BACH2: variants seen among roughly 807,000 people sequenced by gnomAD.
BACH2 encodes transcription regulator protein BACH2.
A neutral mutation model predicts 61.8 loss-of-function variants in BACH2; 5 were observed. That is an observed-to-expected ratio of 0.08 (90% confidence interval 0.04 to 0.17). BACH2 has a LOEUF of 0.17. BACH2 is among the 10% of genes least tolerant of loss of function. The pLI is 1.00. For synonymous variants in BACH2, 446 were observed against 440.1 expected, an observed-to-expected ratio of 1.01 and a Z score of -0.17; for missense variants, 824 against 1,091.1, an observed-to-expected ratio of 0.76 and a Z score of 3.45.
At chr6:90,263,969 C>G (rs562378410) in intron 2 of BACH2, among the ~76,000 whole-genome samples, 54 of 152,168 alleles carry the variant, frequency 3.5e-4, no homozygotes, top group African/African-American at 1.2e-3. Flanking sequence ...AGCTTATAAC[C>G]CTGGCCAAAA....
At chr6:89,963,617 A>C (rs554517690) in intron 6 of BACH2, among the ~76,000 whole-genome samples, 6 of 152,326 alleles carry the variant, frequency 3.9e-5, no homozygotes, top group African/African-American at 1.2e-4. Context: ...AGAGATTGCA[A>C]AATAGTGCAG....
chr6:90,066,558 G>A (rs1217617273), intron 5 of BACH2, among the ~76,000 whole-genome samples: 1 of 152,176 alleles, frequency 6.6e-6, no homozygotes, highest in Non-Finnish European at 1.5e-5. Context: ...GGGAGATGGT[G>A]GGAATATCAA....
chr6:90,113,318 C>T (rs1172569860), intron 4 of BACH2, among the ~76,000 whole-genome samples: 1 of 152,196 alleles, frequency 6.6e-6, no homozygotes, highest in Non-Finnish European at 1.5e-5. Context: ...CTCATCTCCA[C>T]AAGGCACATA....
chr6:89,963,608 G>C (rs2128359565), intron 6 of BACH2, among the ~76,000 whole-genome samples: 1 of 152,310 alleles, frequency 6.6e-6, no homozygotes. Flanking sequence ...CATTGTTGAA[G>C]AGATTGCAAA....
At chr6:90,247,248 T>A (rs1180259682) in intron 3 of BACH2, among the ~76,000 whole-genome samples, 1 of 145,744 alleles carries the variant, frequency 6.9e-6, no homozygotes, top group African/African-American at 2.6e-5. Flanking sequence ...TTCTTCTTCT[T>A]TTTTTTTTTT....
intron 3 of BACH2, among the ~76,000 whole-genome samples, chr6:90,235,548 TTGTGGC>T (rs1198655304): frequency 1.3e-5 from 2 of 152,140 alleles, no homozygotes; most frequent in African/African-American, 4.8e-5. Context: ...AAGCCAGGGA[TTGTGGC>T]ACAAGCCTGT....
intron 4 of BACH2, among the ~76,000 whole-genome samples, chr6:90,158,514 A>T (rs1458292270): frequency 1.3e-5 from 2 of 152,096 alleles, no homozygotes; most frequent in Non-Finnish European, 2.9e-5. Context: ...GGAAGAAAAT[A>T]ATTAAAGAGG....
At chr6:89,958,278 T>A (rs1181958697) in intron 6 of BACH2, among the ~76,000 whole-genome samples, 2 of 152,198 alleles carry the variant, frequency 1.3e-5, no homozygotes, top group Admixed American at 1.3e-4. Flanking sequence ...ACTGTGTCCA[T>A]CCATACTCAT....
At chr6:89,982,700 C>T (rs746014585) in intron 6 of BACH2, among the ~76,000 whole-genome samples, 1 of 152,076 alleles carries the variant, frequency 6.6e-6, no homozygotes, top group Non-Finnish European at 1.5e-5. Flanking sequence ...TTATTTGTTC[C>T]TCCCAACAAC....
At chr6:90,081,806 T>C (rs528917289) in intron 5 of BACH2, among the ~76,000 whole-genome samples, 70 of 152,312 alleles carry the variant, frequency 4.6e-4, no homozygotes, top group African/African-American at 1.7e-3. Flanking sequence ...ATTTCTCAGA[T>C]GAATCTTCTA....
At chr6:90,130,910 T>C (rs994893688) in intron 4 of BACH2, among the ~76,000 whole-genome samples, 2 of 152,266 alleles carry the variant, frequency 1.3e-5, no homozygotes, top group African/African-American at 4.8e-5. Flanking sequence ...CATCTGATAC[T>C]ACCTGCTTTA....
At chr6:90,173,704 AG>A (rs1194751897) in intron 4 of BACH2, among the ~76,000 whole-genome samples, 2 of 152,180 alleles carry the variant, frequency 1.3e-5, no homozygotes, top group Admixed American at 6.5e-5. Context: ...AAAAAGCATG[AG>A]GAACTTTCTG....
chr6:90,241,633 G>A (rs1320734135), intron 3 of BACH2, among the ~76,000 whole-genome samples: 1 of 152,170 alleles, frequency 6.6e-6, no homozygotes, highest in Non-Finnish European at 1.5e-5. Context: ...CTAATGCTAG[G>A]GTAGGTGGAA....
intron 3 of BACH2, among the ~76,000 whole-genome samples, chr6:90,225,571 G>T (rs1398162297): frequency 6.6e-6 from 1 of 152,008 alleles, no homozygotes; most frequent in African/African-American, 2.4e-5. Context: ...CAATGAGAAC[G>T]CATGGACACA....
At chr6:90,089,373 C>T (rs1298695611) in intron 4 of BACH2, among the ~76,000 whole-genome samples, 1 of 151,976 alleles carries the variant, frequency 6.6e-6, no homozygotes, top group Non-Finnish European at 1.5e-5. Context: ...ACGAGGGGCT[C>T]TCCTGAATCC....
chr6:89,944,994 G>C lies in BACH2; in HGVS notation c.1836+5276C>G, dbSNP rs142577218. 3.4e-3 allele frequency among the ~76,000 whole-genome samples: 524 copies of C among 152,146 alleles called. 4 individuals are homozygous for C. The highest frequency in any genetic ancestry group is 0.011 in the African/African-American group (469 of 41,502). On this transcript the variant is annotated intron_variant, in intron 7 of 8. Transcript: ENST00000257749. Reference sequence around the variant, plus strand: ...ACCATAACTACTCACACCCACTAGAGGGCACTAACAAAAAAGATGGGCAAT... The same window carrying C: ...ACCATAACTACTCACACCCACTAGACGGCACTAACAAAAAAGATGGGCAAT...
intron 4 of BACH2, among the ~76,000 whole-genome samples, chr6:90,119,897 C>T (rs1582386631): frequency 6.6e-6 from 1 of 152,158 alleles, no homozygotes; most frequent in East Asian, 1.9e-4. Flanking sequence ...TGTGTTGTCA[C>T]AATCTGTGAC....
chr6:90,207,430 G>T (rs759770081), intron 3 of BACH2, among the ~76,000 whole-genome samples: 6 of 152,122 alleles, frequency 3.9e-5, no homozygotes, highest in African/African-American at 9.7e-5. Flanking sequence ...AGGTTAATTT[G>T]TCAAATATTA....
At position 89,939,983 on chromosome 6, in the gene BACH2, G is replaced by T. The variant is rs530941996; in HGVS notation, c.1837-1633C>A. Among the ~76,000 whole-genome samples the T allele has an allele frequency of 9.9e-5, 15 of 151,460 alleles. No homozygotes were observed. In the South Asian group the frequency reaches 2.9e-3, roughly 30 times the overall value. On this transcript the variant is annotated intron_variant, in intron 7 of 8. Transcript: ENST00000257749. ...TCCCAAAGTGTTGGTATTACAGGTG[G>T]GAGCCACTATTCCTGGCCTGAAATA...
Sources: allele counts gnomAD v4.1 joint callset (sites outside exome capture counted in the v4.1 genomes callset), GRCh38; gene constraint gnomAD v4.1.1; transcripts MANE v1.5; gene names NCBI Gene and HGNC (gene_info 2026-07-23, HGNC 2026-07-21).